The following AP3B1 variants were observed in gnomAD, a reference collection of about 807,000 sequenced individuals.
AP3B1 encodes AP-3 complex subunit beta-1.
Under a neutral mutation model 132.5 loss-of-function variants are expected in AP3B1, and 61 were observed. The observed-to-expected ratio is 0.46, with a 90% confidence interval of 0.37 to 0.57. The LOEUF (loss-of-function observed/expected upper bound fraction) is 0.57. AP3B1 is among the 20% of genes least tolerant of loss of function. The pLI is 0.00. For synonymous variants in AP3B1, 388 were observed against 438.3 expected (o/e 0.89, Z 1.43); for missense variants, 1,120 against 1,289.4 (o/e 0.87, Z 2.01).
chr5:78,104,415 A>G (rs1474216284), intron 20 of AP3B1, among the ~76,000 whole-genome samples: 1 of 152,170 alleles, frequency 6.6e-6, no homozygotes. Context: ...ACTTCCTTTC[A>G]AAGGTCTCAA....
At chr5:78,190,714 T>C (rs949214929) in intron 7 of AP3B1, among the ~76,000 whole-genome samples, 2 of 152,214 alleles carry the variant, frequency 1.3e-5, no homozygotes, top group Non-Finnish European at 2.9e-5. Flanking sequence ...TTTATAAAGA[T>C]TGAATCAGTT....
At chr5:78,044,764 T>G (rs1341832858) in intron 22 of AP3B1, among the ~76,000 whole-genome samples, 4 of 152,218 alleles carry the variant, frequency 2.6e-5, no homozygotes, top group Middle Eastern at 3.2e-3. Flanking sequence ...AATCCTAGGA[T>G]GCATGGTCCA....
rs556005959 is a variant in AP3B1 at position 78,253,742 on chromosome 5, G to A, written c.205-12806C>T. Among the ~76,000 whole-genome samples the A allele has an allele frequency of 7.2e-5, 11 of 152,140 alleles. No homozygotes were observed. The South Asian group carries it at 8.3e-4, about 11-fold the overall frequency. On this transcript the variant is annotated intron_variant, in intron 2 of 26. Coordinates refer to ENST00000255194, the MANE Select transcript of AP3B1 (RefSeq NM_003664.5). The stretch of plus-strand genomic sequence containing the variant: ...AGCACTTTGGGAGGCTGAGGTAGAC[G>A]GATCATGAAGTCAGGAGATCGAGAC...
chr5:78,079,918 A>T (rs1311532764), intron 22 of AP3B1, among the ~76,000 whole-genome samples: 1 of 152,210 alleles, frequency 6.6e-6, no homozygotes, highest in Non-Finnish European at 1.5e-5. Flanking sequence ...GGTTTTAAAC[A>T]TTTTCCACAT....
intron 21 of AP3B1, among the ~76,000 whole-genome samples, chr5:78,097,880 G>A (rs1466841355): frequency 9.2e-5 from 14 of 152,358 alleles, no homozygotes; most frequent in Admixed American, 3.3e-4. Context: ...GATGGTTGCG[G>A]TGTCTGTGTA....
At chr5:78,005,388 T>C (rs1265613060) in intron 26 of AP3B1, among the ~76,000 whole-genome samples, 2 of 152,226 alleles carry the variant, frequency 1.3e-5, no homozygotes, top group African/African-American at 2.4e-5. Flanking sequence ...TTAGAGTTAA[T>C]GTTACAATTA....
At chr5:78,269,326 T>C (rs928432882) in intron 1 of AP3B1, among the ~76,000 whole-genome samples, 1 of 152,200 alleles carries the variant, frequency 6.6e-6, no homozygotes, top group African/African-American at 2.4e-5. Flanking sequence ...AAGTGACATC[T>C]TGTGGTGTTA....
intron 24 of AP3B1, among the ~76,000 whole-genome samples, chr5:78,027,119 T>TC (rs567414228): frequency 1.6e-3 from 244 of 152,242 alleles, no homozygotes; most frequent in African/African-American, 5.8e-3. Context: ...AACCTGTTAG[T>TC]TATTTTCCTT....
At position 78,004,927 on chromosome 5, in the gene AP3B1, C is replaced by G. The variant is rs1175986464; in HGVS notation, c.3132-1872G>C. The stretch of plus-strand genomic sequence containing the variant: ...ACATGAGAGATTATGAACTAGGTAC[C>G]TCAATTTCATCTTTGAGAAACATAA... On this transcript the variant is annotated intron_variant, in intron 26 of 26. Coordinates refer to ENST00000255194, the MANE Select transcript of AP3B1 (RefSeq NM_003664.5). Among the ~76,000 whole-genome samples, 3 of 152,178 alleles carry G rather than the reference C, an allele frequency of 2.0e-5. No homozygotes were observed. The East Asian group carries it at 5.8e-4, about 29-fold the overall frequency.
chr5:78,036,887 CATATT>C (rs777422479), intron 23 of AP3B1, among the ~76,000 whole-genome samples: 71 of 152,240 alleles, frequency 4.7e-4, no homozygotes, highest in Non-Finnish European at 6.6e-4. Context: ...CTAATTTAGA[CATATT>C]ATATTCCTTA....
chr5:78,079,285 T>C (rs1382083815), intron 22 of AP3B1, among the ~76,000 whole-genome samples: 1 of 152,226 alleles, frequency 6.6e-6, no homozygotes, highest in African/African-American at 2.4e-5. Context: ...TATAATTCCT[T>C]GGAACAGGAA....
intron 3 of AP3B1, among the ~76,000 whole-genome samples, chr5:78,232,832 G>A (rs546553895): frequency 6.6e-6 from 1 of 151,882 alleles, no homozygotes; most frequent in Non-Finnish European, 1.5e-5. Context: ...TCAGCCTCCC[G>A]AAAAGTTGGG....
chr5:78,183,616 T>C (rs766545757), intron 7 of AP3B1, among the ~76,000 whole-genome samples: 1 of 152,186 alleles, frequency 6.6e-6, no homozygotes, highest in Non-Finnish European at 1.5e-5. Context: ...ATGCCTGTCA[T>C]CCCAGCACTC....
intron 22 of AP3B1, among the ~76,000 whole-genome samples, chr5:78,086,585 C>A (rs1260421151): frequency 6.6e-6 from 1 of 152,096 alleles, no homozygotes; most frequent in African/African-American, 2.4e-5. Flanking sequence ...ACGTTTACAA[C>A]TAGAACACAA....
At chr5:78,281,769 T>C (rs1749067644) in intron 1 of AP3B1, among the ~76,000 whole-genome samples, 1 of 152,068 alleles carries the variant, frequency 6.6e-6, no homozygotes, top group Non-Finnish European at 1.5e-5. Context: ...ATTTAATGGG[T>C]GCAGAGTTTC....
At chr5:78,060,474 T>G (rs942337369) in intron 22 of AP3B1, among the ~76,000 whole-genome samples, 3 of 152,208 alleles carry the variant, frequency 2.0e-5, no homozygotes, top group African/African-American at 7.2e-5. Context: ...ATAGAAGGCA[T>G]GCACATTATA....
intron 7 of AP3B1, among the ~76,000 whole-genome samples, chr5:78,202,207 C>T (rs1309231754): frequency 2.0e-5 from 3 of 152,156 alleles, no homozygotes; most frequent in Admixed American, 2.0e-4. Context: ...ATTGTAAGGC[C>T]TCCCCAGCCA....
At chr5:78,277,206 T>C (rs1294957313) in intron 1 of AP3B1, among the ~76,000 whole-genome samples, 2 of 152,196 alleles carry the variant, frequency 1.3e-5, no homozygotes, top group Non-Finnish European at 1.5e-5. Context: ...CTATTTCAAA[T>C]AGGTTGTCAT....
chr5:78,278,818 A>G (rs1309464549), intron 1 of AP3B1, among the ~76,000 whole-genome samples: 5 of 152,022 alleles, frequency 3.3e-5, no homozygotes, highest in Admixed American at 3.3e-4. Flanking sequence ...GCGGCATTAG[A>G]TTATCAGAGG....
Sources: gnomAD v4.1 joint callset for allele counts (sites outside exome capture counted in the v4.1 genomes callset) on GRCh38, gnomAD v4.1.1 for gene constraint, MANE v1.5 for transcripts, NCBI Gene and HGNC (gene_info 2026-07-23, HGNC 2026-07-21) for gene names.